Variants in POGLUT1 observed in about 807,000 individuals in gnomAD.
POGLUT1 encodes the protein protein O-glucosyltransferase 1.
Under a neutral mutation model 61.3 loss-of-function variants are expected in POGLUT1, and 32 were observed. The ratio of observed to expected loss-of-function variants is 0.52; its 90% CI spans 0.39 to 0.70. The LOEUF is 0.70. POGLUT1 is among the 30% of genes least tolerant of loss of function. The pLI, the probability that POGLUT1 is intolerant of heterozygous loss-of-function variation, is 0.00. For missense variants in POGLUT1, 411 were observed against 469.8 expected, an observed-to-expected ratio of 0.87 and a Z score of 1.16; for synonymous variants, 158 against 158.2, an observed-to-expected ratio of 1.00 and a Z score of 0.01.
Position 119,477,537 on chromosome 3 carries a change from G to C in POGLUT1, c.456+89G>C. 3.9e-6 allele frequency: 5 copies of C among 1,287,662 alleles called. No homozygotes were observed. The South Asian group carries it at 6.3e-5, about 16-fold the overall frequency. 79.8% of individuals were successfully genotyped at this position (1,287,662 alleles called of 1,614,324 possible). A position where few individuals can be genotyped will look rare whatever the true frequency, so the allele number is the denominator to read the frequency against. ...CTTTGTCCGGTGACATAGTCTGATGGATAATGGTAAGGATGAGGACTGAGG... is the reference window on the plus strand; with the variant it reads ...CTTTGTCCGGTGACATAGTCTGATGCATAATGGTAAGGATGAGGACTGAGG... On this transcript the variant is annotated intron_variant, in intron 4 of 10. Coordinates refer to ENST00000295588, the MANE Select transcript of POGLUT1 (RefSeq NM_152305.3).
rs1454300079 is a variant in POGLUT1, at chr3:119,480,103, G to A, written c.509G>A (p.Gly170Glu). ...CCTGCTTGGACATTTTGGGAAGGGG[G>A]ACCTGCTGTTTGGCCAATTTATCCT... ...MYPAWTFWEG[G>E]PAVWPIYPTG... Residue 170 changes from glycine (G) to glutamate (E), a missense_variant, in exon 5 of 11, where the codon GGA (glycine) becomes GAA (glutamate). By Grantham distance (98) the Gly-to-Glu change is moderately conservative. Transcript: ENST00000295588. 1.9e-6 allele frequency: 3 copies of A among 1,612,904 alleles called. No homozygotes were observed. Among genetic ancestry groups the A allele is most frequent in the Non-Finnish European group, 2.5e-6 (3 of 1,179,564 alleles).
Position 119,490,608 on chromosome 3 carries a change from G to C in POGLUT1, c.855G>C (p.Leu285=), listed in dbSNP as rs368048519. 5.0e-6 allele frequency: 8 copies of C among 1,614,108 alleles called. No individual in the cohort carries two copies. Among genetic ancestry groups the C allele is most frequent in the Non-Finnish European group, 5.9e-6 (7 of 1,179,986 alleles). Residue 285 remains leucine, a synonymous_variant, in exon 9 of 11, where the codon CTG becomes CTC. Transcript: ENST00000295588. ...GTTTCCGGTTTAAACACCTCTTCCTGTGTGGCTCACTTGTTTTCCATGTTG... is the reference window on the plus strand; with the variant it reads ...GTTTCCGGTTTAAACACCTCTTCCTCTGTGGCTCACTTGTTTTCCATGTTG... ...AASFRFKHLF[L]CGSLVFHVGD... is the part of the protein sequence containing the mutation.
At chr3:119,472,408 T>C (rs777653192) in intron 3 of POGLUT1, among the ~76,000 whole-genome samples, 42 of 152,204 alleles carry the variant, frequency 2.8e-4, no homozygotes, top group Non-Finnish European at 6.2e-4. Flanking sequence ...AAGAATTTAA[T>C]ATTTATTCTT....
rs754021443 is a variant in POGLUT1, at chr3:119,469,836, A to G, written c.102A>G (p.Val34=). 1.2e-5 allele frequency: 19 copies of G among 1,598,416 alleles called. No homozygotes were observed. The Admixed American group carries it at 2.7e-4, about 22-fold the overall frequency. Residue 34 remains valine, a synonymous_variant, in exon 2 of 11, where the codon GTA becomes GTG. Coordinates refer to ENST00000295588, the MANE Select transcript of POGLUT1 (RefSeq NM_152305.3). ...RQKESGSKWK[V]FIDQINRSLE... is the part of the protein sequence containing the mutation. ...TTTTTAAAGGTTCAAAATGGAAAGT[A>G]TTTATTGACCAAATTAACAGGTCTT... is the stretch of plus-strand genomic sequence containing the variant.
rs1447199145 is a variant in POGLUT1, at chr3:119,493,372, GA to G, written c.*935del. On this transcript the variant is annotated 3_prime_UTR_variant, in exon 11 of 11. Coordinates refer to ENST00000295588, the MANE Select transcript of POGLUT1 (RefSeq NM_152305.3). ...AGCATTCAACTTCAAATATATAGAA[GA>G]TATTTGTTTTAGTGCAAATCCATGA... 2 of 152,132 alleles carry G rather than the reference GA, an allele frequency of 1.3e-5. No homozygotes were observed. The highest frequency in any genetic ancestry group is 2.9e-5 in the Non-Finnish European group (2 of 68,014). The allele number at this position is 152,132 out of a possible 1,614,324, so 9.4% of individuals were successfully genotyped here.
In POGLUT1 at chr3:119,479,865, T is replaced by C. The variant is rs543307815; in HGVS notation, c.457-186T>C. 3.5e-6 allele frequency: 5 copies of C among 1,441,916 alleles called. No individual in the cohort carries two copies. The South Asian group carries it at 6.2e-5, about 18-fold the overall frequency. The allele number at this position is 1,441,916 out of a possible 1,614,324, so 89.3% of individuals were successfully genotyped here. On this transcript the variant is annotated intron_variant, in intron 4 of 10. Coordinates refer to ENST00000295588, the MANE Select transcript of POGLUT1 (RefSeq NM_152305.3). Reference sequence around the variant, plus strand: ...TGAATTCTGGAATTCAGTGAGCCCATGACTTTTAATCCATAGTCACTTTTG... The same window carrying C: ...TGAATTCTGGAATTCAGTGAGCCCACGACTTTTAATCCATAGTCACTTTTG...
At chr3:119,489,540 C>A (rs574578749) in intron 8 of POGLUT1, 1 of 152,698 alleles carries the variant, frequency 6.5e-6, no homozygotes, top group South Asian at 2.1e-4. Flanking sequence ...GCTAATGACA[C>A]GCAGAGTAGG....
chr3:119,484,646 T>C (rs987808232), intron 5 of POGLUT1, among the ~76,000 whole-genome samples: 4 of 152,230 alleles, frequency 2.6e-5, no homozygotes, highest in Non-Finnish European at 4.4e-5. Flanking sequence ...TCTGATGCTT[T>C]TTTATTTTTT....
chr3:119,472,644 A>T (rs2081488817), intron 3 of POGLUT1, among the ~76,000 whole-genome samples: 1 of 152,206 alleles, frequency 6.6e-6, no homozygotes, highest in African/African-American at 2.4e-5. Context: ...TGAACCCAGG[A>T]GGCAGAGGTT....
chr3:119,476,038 C>A (rs559563824), intron 3 of POGLUT1, among the ~76,000 whole-genome samples: 164 of 151,784 alleles, frequency 1.1e-3, no homozygotes, highest in African/African-American at 3.8e-3. Flanking sequence ...CACCTGTAGT[C>A]CCAGCTACTC....
chr3:119,490,180 T>C (rs12695386), intron 8 of POGLUT1: 31,161 of 173,570 alleles, frequency 0.18, 3,011 homozygotes, highest in East Asian at 0.33. Flanking sequence ...TCACTCGTTT[T>C]ATTTTATGTT....
intron 4 of POGLUT1, among the ~76,000 whole-genome samples, chr3:119,479,534 G>A (rs373270266): frequency 1.3e-5 from 2 of 152,156 alleles, no homozygotes; most frequent in African/African-American, 4.8e-5. Flanking sequence ...GAACCATTAA[G>A]TAACTTGCCT....
chr3:119,478,399 A>C (rs1378078710), intron 4 of POGLUT1: 2 of 456,608 alleles, frequency 4.4e-6, no homozygotes, highest in African/African-American at 2.0e-5. Flanking sequence ...CCCATGGTCT[A>C]GCCTCATTTC....
At chr3:119,483,220 C>A (rs576344991) in intron 5 of POGLUT1, among the ~76,000 whole-genome samples, 19 of 152,252 alleles carry the variant, frequency 1.2e-4, no homozygotes, top group African/African-American at 4.3e-4. Context: ...GATTTGTGTA[C>A]AAGGATGTTT....
rs908154761 is a variant in POGLUT1 at position 119,491,239 on chromosome 3, A to G, written c.966-279A>G. 1.8e-4 allele frequency among the ~76,000 whole-genome samples: 27 copies of G among 148,172 alleles called. No homozygotes were observed. The Admixed American group carries it at 1.8e-3, about 10-fold the overall frequency. On this transcript the variant is annotated intron_variant, in intron 9 of 10. Coordinates refer to ENST00000295588, the MANE Select transcript of POGLUT1 (RefSeq NM_152305.3). ...ATAATATAAATATCTAATATAATATATAATATAAATATACAAAATATATGT... is the reference window on the plus strand; with the variant it reads ...ATAATATAAATATCTAATATAATATGTAATATAAATATACAAAATATATGT...
intron 3 of POGLUT1, among the ~76,000 whole-genome samples, chr3:119,472,068 A>G (rs1045896618): frequency 2.6e-5 from 4 of 152,220 alleles, no homozygotes; most frequent in Admixed American, 1.3e-4. Context: ...TCAGAACTTC[A>G]GGTGTGAGAC....
chr3:119,471,306 C>T lies in POGLUT1; in HGVS notation c.177-3C>T, dbSNP rs781470158. On this transcript the variant is annotated splice_polypyrimidine_tract_variant and splice_region_variant and intron_variant, in intron 2 of 10. Coordinates refer to ENST00000295588, the MANE Select transcript of POGLUT1 (RefSeq NM_152305.3). ...TTCCTTGATGACTCCCATTCTTTCC[C>T]AGTGTCATAGAAGAGGATCTAACTC... 1.2e-6 allele frequency: 2 copies of T among 1,613,270 alleles called. No homozygotes were observed. Among genetic ancestry groups the T allele is most frequent in the South Asian group, 2.2e-5 (2 of 90,770 alleles).
chr3:119,493,696 G>A lies in POGLUT1; in HGVS notation c.*1258G>A, dbSNP rs1183805835. 1.3e-5 allele frequency: 2 copies of A among 151,888 alleles called. No homozygotes were observed. The highest frequency in any genetic ancestry group is 3.8e-4 in the East Asian group (2 of 5,198). 9.4% of individuals were successfully genotyped at this position (151,888 alleles called of 1,614,324 possible). On this transcript the variant is annotated 3_prime_UTR_variant, in exon 11 of 11. Coordinates refer to ENST00000295588, the MANE Select transcript of POGLUT1 (RefSeq NM_152305.3). ...ATTCCATTTGTCAGAAATGTATTTGGCTTTTTAAACTCCTTTCCACAAAAG... is the reference window on the plus strand; with the variant it reads ...ATTCCATTTGTCAGAAATGTATTTGACTTTTTAAACTCCTTTCCACAAAAG...
intron 3 of POGLUT1, among the ~76,000 whole-genome samples, chr3:119,475,071 GTT>G (rs1270724106): frequency 6.6e-6 from 1 of 152,028 alleles, no homozygotes; most frequent in Admixed American, 6.5e-5. Context: ...TGAAAAGGAA[GTT>G]TCTCTTCCAC....
Sources: gnomAD v4.1 joint callset for allele counts (sites outside exome capture counted in the v4.1 genomes callset) on GRCh38, gnomAD v4.1.1 for gene constraint, MANE v1.5 for transcripts, NCBI Gene and HGNC (gene_info 2026-07-23, HGNC 2026-07-21) for gene names.